Variants in RBFOX1 observed in about 807,000 individuals in gnomAD.
RBFOX1 encodes the protein RNA binding fox-1 homolog 1.
In RBFOX1, 8 loss-of-function variants were observed where a neutral mutation model predicts 57.7. That is an observed-to-expected ratio of 0.14 (90% CI 0.08 to 0.25). RBFOX1 has a LOEUF of 0.25. RBFOX1 is among the 10% of genes least tolerant of loss of function. The pLI is 1.00. For missense variants in RBFOX1, 611 were observed against 548.5 expected, an observed-to-expected ratio of 1.11 and a Z score of -1.14; for synonymous variants, 326 against 222.4, an observed-to-expected ratio of 1.47 and a Z score of -4.15.
intron 2 of RBFOX1, among the ~76,000 whole-genome samples, chr16:6,428,247 C>G (rs1227521212): frequency 6.9e-6 from 1 of 144,736 alleles, no homozygotes; most frequent in Non-Finnish European, 1.5e-5. Flanking sequence ...GATTATACCA[C>G]TGCACTCCAG....
intron 4 of RBFOX1, among the ~76,000 whole-genome samples, chr16:7,354,075 G>A (rs1323701148): frequency 3.9e-5 from 6 of 152,074 alleles, no homozygotes; most frequent in Admixed American, 2.0e-4. Context: ...AGGTTCAAGC[G>A]ATTCTCCTGC....
chr16:7,641,610 C>G (rs2062808160), intron 11 of RBFOX1, among the ~76,000 whole-genome samples: 1 of 152,212 alleles, frequency 6.6e-6, no homozygotes. Context: ...TATCCCTACC[C>G]TTACTATTTG....
intron 11 of RBFOX1, among the ~76,000 whole-genome samples, chr16:7,636,087 G>C (rs113590624): frequency 0.01 from 1,552 of 152,348 alleles, 10 homozygotes; most frequent in Non-Finnish European, 0.016. Flanking sequence ...TGGGATTGCA[G>C]GCATGAGCCA....
rs8046309 is a variant in RBFOX1, at chr16:6,896,958, C to A, written c.-15-155099C>A. Among the ~76,000 whole-genome samples the A allele has an allele frequency of 4.7e-3, 715 of 152,258 alleles. 4 individuals are homozygous for A. The highest frequency in any genetic ancestry group is 0.017 in the African/African-American group (686 of 41,550). ...AGAAACTCTGCCACAACTCAGAATG[C>A]AGCTGACAGGCCGTCTAAGGAAATG... is the stretch of plus-strand genomic sequence containing the variant. On this transcript the variant is annotated intron_variant, in intron 3 of 15. Transcript: ENST00000550418.
At chr16:5,867,395 A>G (rs2057368170) in intron 4 of RBFOX1, 18 of 1,022,606 alleles carry the variant, frequency 1.8e-5, no homozygotes, top group Middle Eastern at 3.6e-4. Flanking sequence ...TTCTTTTGTG[A>G]TGGAGTGTAA....
At chr16:6,707,755 G>A (rs1373256402) in intron 3 of RBFOX1, among the ~76,000 whole-genome samples, 4 of 152,082 alleles carry the variant, frequency 2.6e-5, no homozygotes, top group African/African-American at 9.7e-5. Context: ...TGCAACTTTA[G>A]TAGCCGTGTA....
chr16:6,116,961 G>A (rs529588215), intron 1 of RBFOX1, among the ~76,000 whole-genome samples: 5 of 152,288 alleles, frequency 3.3e-5, no homozygotes, highest in African/African-American at 7.2e-5. Context: ...GATAATCTCC[G>A]TTGGCAGATA....
intron 4 of RBFOX1, among the ~76,000 whole-genome samples, chr16:7,504,734 TATA>T (rs2072326304): frequency 1.3e-4 from 1 of 7,536 alleles, no homozygotes; most frequent in African/African-American, 2.8e-4. Context: ...TATATATATA[TATA>T]TATATATATA....
At chr16:5,430,918 T>G (rs1473750795) in intron 1 of RBFOX1, among the ~76,000 whole-genome samples, 1 of 152,172 alleles carries the variant, frequency 6.6e-6, no homozygotes, top group Non-Finnish European at 1.5e-5. Flanking sequence ...TATAATAGAA[T>G]CCTACATACT....
chr16:7,562,094 T>C (rs913393531), intron 5 of RBFOX1, among the ~76,000 whole-genome samples: 2 of 152,126 alleles, frequency 1.3e-5, no homozygotes, highest in Admixed American at 1.3e-4. Flanking sequence ...ATTGCTAAGC[T>C]AGAGAACAAT....
intron 10 of RBFOX1, among the ~76,000 whole-genome samples, chr16:7,608,262 A>G (rs2056743095): frequency 6.6e-6 from 1 of 152,158 alleles, no homozygotes. Flanking sequence ...AACTTTTGTC[A>G]TTTTCCTAAT....
chr16:5,753,308 A>G (rs751566711), intron 3 of RBFOX1, among the ~76,000 whole-genome samples: 2 of 152,212 alleles, frequency 1.3e-5, no homozygotes, highest in Non-Finnish European at 2.9e-5. Flanking sequence ...ACACTTAAAA[A>G]AATCCTCATA....
chr16:7,672,865 CAAAAAAAAAAAAAA>C (rs56693228), intron 13 of RBFOX1, among the ~76,000 whole-genome samples: 2 of 42,890 alleles, frequency 4.7e-5, no homozygotes, highest in African/African-American at 2.7e-4. Flanking sequence ...GACTCCATCT[CAAAAAAAAAAAAAA>C]AAAAAAAAAG....
rs542578786 is a variant in RBFOX1 at position 6,189,955 on chromosome 16, T to C, written c.-126-127040T>C. On this transcript the variant is annotated intron_variant, in intron 1 of 15. Coordinates refer to ENST00000550418, the MANE Select transcript of RBFOX1 (RefSeq NM_018723.4). ...TTTGCCCAGACTAATGTCCTGGAGA[T>C]TTTCCCCAATGTTTTCTTGTAGTAG... Among the ~76,000 whole-genome samples, 98 of 152,302 alleles carry C rather than the reference T, an allele frequency of 6.4e-4. 3 individuals carry two copies. In the South Asian group the frequency reaches 0.02, roughly 31 times the overall value.
At chr16:5,360,861 G>A (rs2065528766) in intron 1 of RBFOX1, among the ~76,000 whole-genome samples, 1 of 152,110 alleles carries the variant, frequency 6.6e-6, no homozygotes, top group Admixed American at 6.5e-5. Context: ...ATGACTGACT[G>A]ATCTTATAGC....
chr16:7,342,413 T>G (rs1459403165), intron 4 of RBFOX1, among the ~76,000 whole-genome samples: 1 of 152,180 alleles, frequency 6.6e-6, no homozygotes, highest in Non-Finnish European at 1.5e-5. Flanking sequence ...TTTCAACCTG[T>G]CTGCGGGGAT....
chr16:6,208,738 C>T (rs760668430), intron 1 of RBFOX1, among the ~76,000 whole-genome samples: 9 of 152,188 alleles, frequency 5.9e-5, no homozygotes, highest in Admixed American at 2.6e-4. Context: ...ATATGCATTT[C>T]TGGTTCTTCT....
At chr16:6,989,595 AC>A (rs2091057066) in intron 3 of RBFOX1, among the ~76,000 whole-genome samples, 2 of 152,170 alleles carry the variant, frequency 1.3e-5, no homozygotes, top group Non-Finnish European at 2.9e-5. Flanking sequence ...GGAGAATGCA[AC>A]CATTTAAGAG....
intron 2 of RBFOX1, among the ~76,000 whole-genome samples, chr16:6,376,806 T>A (rs1225228707): frequency 6.6e-6 from 1 of 152,120 alleles, no homozygotes; most frequent in African/African-American, 2.4e-5. Context: ...GCGCCATGCA[T>A]TCTTCAAAGG....
Sources: gnomAD v4.1 joint callset for allele counts (sites outside exome capture counted in the v4.1 genomes callset) on GRCh38, gnomAD v4.1.1 for gene constraint, MANE v1.5 for transcripts, NCBI Gene and HGNC (gene_info 2026-07-23, HGNC 2026-07-21) for gene names.